The following TPH2 variants were observed in gnomAD, a reference collection of about 807,000 sequenced individuals.
TPH2 encodes tryptophan hydroxylase 2, also known as tryptophan 5-hydroxylase 2.
A neutral mutation model predicts 59.1 loss-of-function variants in TPH2; 27 were observed. The ratio of observed to expected loss-of-function variants is 0.46; its 90% CI spans 0.34 to 0.63. The LOEUF is 0.63. Ranked by LOEUF, TPH2 falls within the 30% of genes least tolerant of loss-of-function variation. The pLI is 0.01. For missense variants in TPH2, 523 were observed against 588.3 expected, an observed-to-expected ratio of 0.89 and a Z score of 1.15; for synonymous variants, 220 against 210.5, an observed-to-expected ratio of 1.05 and a Z score of -0.39.
chr12:72,013,068 T>C (rs1396333672), intron 8 of TPH2, among the ~76,000 whole-genome samples: 2 of 152,194 alleles, frequency 1.3e-5, no homozygotes, highest in African/African-American at 4.8e-5. Flanking sequence ...TGTCGACATA[T>C]TCTTCAATAA....
At chr12:72,013,065 A>C (rs1378244237) in intron 8 of TPH2, among the ~76,000 whole-genome samples, 2 of 152,192 alleles carry the variant, frequency 1.3e-5, no homozygotes, top group Non-Finnish European at 2.9e-5. Context: ...CTATGTCGAC[A>C]TATTCTTCAA....
intron 4 of TPH2, among the ~76,000 whole-genome samples, chr12:71,948,115 T>C (rs1440485709): frequency 3.3e-5 from 5 of 152,136 alleles, no homozygotes; most frequent in Non-Finnish European, 7.4e-5. Context: ...CAGGAGACCT[T>C]TTTAAAGGGC....
intron 8 of TPH2, among the ~76,000 whole-genome samples, chr12:72,002,773 A>G (rs1872859811): frequency 1.3e-5 from 2 of 148,506 alleles, no homozygotes; most frequent in Admixed American, 6.7e-5. Flanking sequence ...TTTTTTTTGC[A>G]GGAAAGAAGT....
In TPH2 at chr12:71,964,745, T is replaced by C. The variant is rs538776675; in HGVS notation, c.609-7774T>C. 5.1e-6 allele frequency: 5 copies of C among 985,420 alleles called. No individual in the cohort carries two copies. The African/African-American group carries it at 8.7e-5, about 17-fold the overall frequency. 61.0% of individuals were successfully genotyped at this position (985,420 alleles called of 1,614,324 possible). On this transcript the variant is annotated intron_variant, in intron 5 of 10. Coordinates refer to ENST00000333850, the MANE Select transcript of TPH2 (RefSeq NM_173353.4). ...AGTTGTGAGACATGCAACAAATGCT[T>C]GATAAGAGTTAATTATAAATTTTGT... is the stretch of plus-strand genomic sequence containing the variant.
chr12:71,968,526 G>T (rs979935133), intron 5 of TPH2, among the ~76,000 whole-genome samples: 1 of 152,172 alleles, frequency 6.6e-6, no homozygotes, highest in Admixed American at 6.5e-5. Context: ...ACTCTCCCAG[G>T]GACTGTCGGT....
At chr12:71,940,196 C>G (rs1041821127) in intron 1 of TPH2, among the ~76,000 whole-genome samples, 2 of 152,020 alleles carry the variant, frequency 1.3e-5, no homozygotes, top group African/African-American at 4.8e-5. Context: ...TAATGTATGA[C>G]CCTTTTATAT....
chr12:72,000,726 A>T (rs1464887564), intron 8 of TPH2, among the ~76,000 whole-genome samples: 1 of 152,208 alleles, frequency 6.6e-6, no homozygotes, highest in African/African-American at 2.4e-5. Flanking sequence ...GTATGAGATG[A>T]GTGTATTTAT....
chr12:72,023,697 CG>C (rs1193665360), intron 9 of TPH2, among the ~76,000 whole-genome samples: 2 of 151,440 alleles, frequency 1.3e-5, no homozygotes, highest in Non-Finnish European at 2.9e-5. Flanking sequence ...GGCATGATGG[CG>C]GGTACCTGTA....
intron 6 of TPH2, among the ~76,000 whole-genome samples, chr12:71,977,392 TTAA>T (rs1872150879): frequency 6.6e-6 from 1 of 152,092 alleles, no homozygotes. Flanking sequence ...AGGACTGTAG[TTAA>T]TAATATCATA....
At chr12:71,969,351 C>T (rs1486914090) in intron 5 of TPH2, among the ~76,000 whole-genome samples, 3 of 152,128 alleles carry the variant, frequency 2.0e-5, no homozygotes, top group Non-Finnish European at 2.9e-5. Flanking sequence ...CCAGGGCACC[C>T]CTCTGGCTCC....
At position 71,964,386 on chromosome 12, in the gene TPH2, G is replaced by A. The variant is rs186266410; in HGVS notation, c.609-8133G>A. The A allele has an allele frequency of 3.9e-5, 19 of 483,608 alleles. No homozygotes were observed. In the East Asian group the frequency reaches 2.3e-3, roughly 58 times the overall value. The allele number at this position is 483,608 out of a possible 1,614,324, so 30.0% of individuals were successfully genotyped here. Reference sequence around the variant, plus strand: ...CAACCTCCGCCTCCTGGGTTCAAGCGATTCTCCTGCCTCAGTCTCTCTAGT... The same window carrying A: ...CAACCTCCGCCTCCTGGGTTCAAGCAATTCTCCTGCCTCAGTCTCTCTAGT... On this transcript the variant is annotated intron_variant, in intron 5 of 10. Transcript: ENST00000333850.
intron 6 of TPH2, among the ~76,000 whole-genome samples, chr12:71,975,618 C>A (rs768495191): frequency 9.9e-5 from 15 of 152,190 alleles, no homozygotes; most frequent in Non-Finnish European, 1.5e-4. Context: ...CATCTCTTCT[C>A]CACCTACTCA....
intron 8 of TPH2, among the ~76,000 whole-genome samples, chr12:72,007,132 AT>A (rs1234667316): frequency 6.6e-6 from 1 of 152,152 alleles, no homozygotes; most frequent in Non-Finnish European, 1.5e-5. Context: ...TGGAGATAGC[AT>A]GCTACTTTGC....
intron 8 of TPH2, among the ~76,000 whole-genome samples, chr12:72,004,001 T>C (rs1258786291): frequency 6.6e-6 from 1 of 152,158 alleles, no homozygotes. Flanking sequence ...ATGTGCTGAG[T>C]TGAGTGCTGA....
intron 9 of TPH2, among the ~76,000 whole-genome samples, chr12:72,029,200 C>T (rs1873651411): frequency 6.6e-6 from 1 of 152,118 alleles, no homozygotes; most frequent in African/African-American, 2.4e-5. Context: ...GTCCTTGACC[C>T]AGTGAAATGT....
chr12:72,001,361 T>C (rs1872816174), intron 8 of TPH2, among the ~76,000 whole-genome samples: 1 of 152,100 alleles, frequency 6.6e-6, no homozygotes, highest in Admixed American at 6.6e-5. Flanking sequence ...TTATGAGTTC[T>C]GTAAAAGGAG....
At chr12:71,947,217 G>A (rs1052585436) in intron 4 of TPH2, among the ~76,000 whole-genome samples, 2 of 152,070 alleles carry the variant, frequency 1.3e-5, no homozygotes, top group African/African-American at 4.8e-5. Flanking sequence ...CACATCACAT[G>A]TGGAGAATTA....
chr12:71,981,293 C>T (rs906309814), intron 7 of TPH2, among the ~76,000 whole-genome samples: 9 of 152,132 alleles, frequency 5.9e-5, no homozygotes, highest in Admixed American at 3.9e-4. Flanking sequence ...TATCTTCAGG[C>T]CATGTTATAA....
At position 72,004,138 on chromosome 12, in the gene TPH2, G is replaced by A. The variant is rs1256620427; in HGVS notation, c.1068+9573G>A. ...TCGGGATGTTTGATGTACAGTATGT[G>A]GTGTGGTGCAATGTGGTGAAAAGAA... On this transcript the variant is annotated intron_variant, in intron 8 of 10. Coordinates refer to ENST00000333850, the MANE Select transcript of TPH2 (RefSeq NM_173353.4). 2.8e-5 allele frequency among the ~76,000 whole-genome samples: 4 copies of A among 145,118 alleles called. No individual in the cohort carries two copies. The East Asian group carries it at 9.2e-4, about 33-fold the overall frequency.
Sources: allele counts gnomAD v4.1 joint callset (sites outside exome capture counted in the v4.1 genomes callset), GRCh38; gene constraint gnomAD v4.1.1; transcripts MANE v1.5; gene names NCBI Gene and HGNC (gene_info 2026-07-23, HGNC 2026-07-21).